RNF152: variants seen among roughly 807,000 people sequenced by gnomAD.
The protein encoded by RNF152 is E3 ubiquitin-protein ligase RNF152.
Under a neutral mutation model 12.7 loss-of-function variants are expected in RNF152, and 11 were observed. The ratio of observed to expected loss-of-function variants is 0.86; its 90% CI spans 0.54 to 1.43. RNF152 has a LOEUF of 1.43. RNF152 is among the 40% of genes most tolerant of loss of function. The pLI, the probability that RNF152 is intolerant of heterozygous loss-of-function variation, is 0.00. For missense variants in RNF152, 255 were observed against 274.8 expected, an observed-to-expected ratio of 0.93 and a Z score of 0.51; for synonymous variants, 113 against 120.3, an observed-to-expected ratio of 0.94 and a Z score of 0.40.
At chr18:61,848,427 AAATC>A (rs1371371612) in intron 1 of RNF152, among the ~76,000 whole-genome samples, 1 of 152,250 alleles carries the variant, frequency 6.6e-6, no homozygotes, top group East Asian at 1.9e-4. Flanking sequence ...AAAGAAAAAA[AAATC>A]AATACCACCC....
chr18:61,821,889 C>T (rs180738425), intron 1 of RNF152, among the ~76,000 whole-genome samples: 200 of 152,294 alleles, frequency 1.3e-3, no homozygotes, highest in Non-Finnish European at 2.1e-3. Flanking sequence ...ACAGTTTCAT[C>T]CTGAAACCAT....
upstream of RNF152, chr18:61,894,184 A>C (rs1235797708): frequency 6.6e-6 from 1 of 151,200 alleles, no homozygotes; most frequent in Non-Finnish European, 1.5e-5. The surrounding 1 kb of genome is among the most constrained non-coding windows in gnomAD (Gnocchi z 4.9). Flanking sequence ...CTCGCTACAG[A>C]GGCGGCGGCG....
intron 1 of RNF152, among the ~76,000 whole-genome samples, chr18:61,889,008 C>T (rs1912823749): frequency 6.6e-6 from 1 of 152,168 alleles, no homozygotes; most frequent in African/African-American, 2.4e-5. Context: ...TCCCTCGGGG[C>T]TTTCATTTTC....
chr18:61,862,161 A>G (rs1037562094), intron 1 of RNF152, among the ~76,000 whole-genome samples: 1 of 152,134 alleles, frequency 6.6e-6, no homozygotes, highest in Non-Finnish European at 1.5e-5. Context: ...TTTACATGTT[A>G]ATACAAAGCC....
At chr18:61,860,471 A>C (rs919116614) in intron 1 of RNF152, among the ~76,000 whole-genome samples, 1 of 152,272 alleles carries the variant, frequency 6.6e-6, no homozygotes, top group Admixed American at 6.5e-5. Context: ...TGATACAGCC[A>C]TCAGAGCATT....
At chr18:61,836,940 TTACATGTCTCAAAA>T (rs1910216335) in intron 1 of RNF152, among the ~76,000 whole-genome samples, 1 of 152,160 alleles carries the variant, frequency 6.6e-6, no homozygotes. Context: ...GACAGGATAT[TTACATGTCTCAAAA>T]TATCAGCTCA....
chr18:61,815,841 T>C lies in RNF152; in HGVS notation c.*11A>G. On this transcript the variant is annotated 3_prime_UTR_variant, in exon 2 of 2. Coordinates refer to ENST00000312828, the MANE Select transcript of RNF152 (RefSeq NM_173557.3). ...AGTTGGCACCCACAAGAGACTTCCCTGCAGCCCTCTTCAGCCACAGGATAT... is the reference window on the plus strand; with the variant it reads ...AGTTGGCACCCACAAGAGACTTCCCCGCAGCCCTCTTCAGCCACAGGATAT... The C allele has an allele frequency of 1.2e-6, 2 of 1,610,470 alleles. No individual in the cohort carries two copies. The highest frequency in any genetic ancestry group is 1.7e-5 in the Admixed American group (1 of 59,954).
At chr18:61,870,453 C>A (rs1259011856) in intron 1 of RNF152, among the ~76,000 whole-genome samples, 1 of 152,166 alleles carries the variant, frequency 6.6e-6, no homozygotes, top group Non-Finnish European at 1.5e-5. Flanking sequence ...AAAGAGGAGA[C>A]CACGCCTGTC....
chr18:61,808,089 TAA>T lies in RNF152; in HGVS notation c.*7761_*7762del, dbSNP rs1912776843. ...CTATTTGAAATCATTTTATGAACTT[TAA>T]TCATAGCAAATGTGTTTTTACGGTA... is the stretch of plus-strand genomic sequence containing the variant. On this transcript the variant is annotated 3_prime_UTR_variant, in exon 2 of 2. Coordinates refer to ENST00000312828, the MANE Select transcript of RNF152 (RefSeq NM_173557.3). 1.3e-5 allele frequency: 2 copies of T among 152,106 alleles called. No homozygotes were observed. The highest frequency in any genetic ancestry group is 2.9e-5 in the Non-Finnish European group (2 of 68,020). 9.4% of individuals were successfully genotyped at this position (152,106 alleles called of 1,614,324 possible). A position where few individuals can be genotyped will look rare whatever the true frequency, so the allele number is the denominator to read the frequency against.
At chr18:61,851,986 A>G (rs1911006227) in intron 1 of RNF152, among the ~76,000 whole-genome samples, 2 of 152,152 alleles carry the variant, frequency 1.3e-5, no homozygotes, top group Non-Finnish European at 2.9e-5. Flanking sequence ...CCTCCCTATG[A>G]CATATATGAG....
At chr18:61,872,187 T>A (rs1912026370) in intron 1 of RNF152, among the ~76,000 whole-genome samples, 1 of 152,132 alleles carries the variant, frequency 6.6e-6, no homozygotes. Context: ...TCGTGAGAAC[T>A]CTATCAGGAG....
chr18:61,847,532 C>T (rs1910789926), intron 1 of RNF152, among the ~76,000 whole-genome samples: 1 of 152,178 alleles, frequency 6.6e-6, no homozygotes, highest in Non-Finnish European at 1.5e-5. Context: ...ATATTCTGCC[C>T]CTAGGCTTAC....
intron 1 of RNF152, among the ~76,000 whole-genome samples, chr18:61,826,534 T>C (rs1909677096): frequency 6.6e-6 from 1 of 152,056 alleles, no homozygotes; most frequent in African/African-American, 2.4e-5. Context: ...CTTACATTCA[T>C]CTGGGCACAT....
intron 1 of RNF152, among the ~76,000 whole-genome samples, chr18:61,884,272 C>T (rs1599327330): frequency 6.6e-6 from 1 of 152,088 alleles, no homozygotes; most frequent in South Asian, 2.1e-4. Flanking sequence ...ACTCAGGTCA[C>T]GTGGCAGACG....
At chr18:61,859,199 G>A (rs1911353536) in intron 1 of RNF152, among the ~76,000 whole-genome samples, 1 of 152,142 alleles carries the variant, frequency 6.6e-6, no homozygotes, top group Non-Finnish European at 1.5e-5. Context: ...CAGTACTTCT[G>A]ACCAAACCAA....
chr18:61,862,187 T>C (rs1438819387), intron 1 of RNF152, among the ~76,000 whole-genome samples: 1 of 152,180 alleles, frequency 6.6e-6, no homozygotes, highest in East Asian at 1.9e-4. Flanking sequence ...TCCTCCATCC[T>C]GACCCCCCTA....
rs1912935752 is a variant in RNF152 at position 61,810,669 on chromosome 18, ATAAG to A, written c.*5179_*5182del. 2 of 152,182 alleles carry A rather than the reference ATAAG, an allele frequency of 1.3e-5. No individual in the cohort carries two copies. Among genetic ancestry groups the A allele is most frequent in the African/African-American group, 2.4e-5 (1 of 41,454 alleles). The allele number at this position is 152,182 out of a possible 1,614,324, so 9.4% of individuals were successfully genotyped here. A position where few individuals can be genotyped will look rare whatever the true frequency, so the allele number is the denominator to read the frequency against. On this transcript the variant is annotated 3_prime_UTR_variant, in exon 2 of 2. Transcript: ENST00000312828. ...ATCTCATAAATAAATAAATAAATAAATAAGTGTCTCATGTTGAACAAAATCCAGC... is the reference window on the plus strand; with the variant it reads ...ATCTCATAAATAAATAAATAAATAAATGTCTCATGTTGAACAAAATCCAGC...
At chr18:61,861,979 T>C (rs1169219457) in intron 1 of RNF152, among the ~76,000 whole-genome samples, 2 of 152,126 alleles carry the variant, frequency 1.3e-5, no homozygotes, top group East Asian at 3.9e-4. Flanking sequence ...ACACCCAAAC[T>C]ATACCACTAA....
intron 1 of RNF152, among the ~76,000 whole-genome samples, chr18:61,834,624 A>G (rs145444479): frequency 1.2e-3 from 177 of 152,306 alleles, no homozygotes; most frequent in African/African-American, 4.1e-3. Flanking sequence ...ACTGGCACTC[A>G]GTAAGTGCTC....
Sources: allele counts gnomAD v4.1 joint callset (sites outside exome capture counted in the v4.1 genomes callset), GRCh38; gene constraint gnomAD v4.1.1; non-coding constraint Gnocchi (gnomAD v3.1); transcripts MANE v1.5; gene names NCBI Gene and HGNC (gene_info 2026-07-23, HGNC 2026-07-21).